Variants in TMEM245 observed in about 807,000 individuals in gnomAD.
TMEM245 encodes the protein protein CG-2.
A neutral mutation model predicts 101.2 loss-of-function variants in TMEM245; 69 were observed. The ratio of observed to expected loss-of-function variants is 0.68; its 90% CI spans 0.56 to 0.83. The LOEUF is 0.83. Ranked by LOEUF, TMEM245 falls within the 40% of genes least tolerant of loss-of-function variation. TMEM245 has a pLI of 0.00. For missense variants in TMEM245, 1,075 were observed against 1,092.8 expected (o/e 0.98, Z 0.23); for synonymous variants, 537 against 449.8 (o/e 1.19, Z -2.45).
intron 17 of TMEM245, among the ~76,000 whole-genome samples, chr9:109,023,085 C>A (rs892809775): frequency 6.6e-6 from 1 of 152,258 alleles, no homozygotes; most frequent in Middle Eastern, 3.4e-3. Context: ...AAGAAAGTCT[C>A]CAAAAGGACT....
chr9:109,107,386 G>C (rs1033246437), intron 2 of TMEM245, among the ~76,000 whole-genome samples: 32 of 145,946 alleles, frequency 2.2e-4, no homozygotes, highest in Admixed American at 6.9e-5. Context: ...GCGATGGAGT[G>C]AGACTCTGTC....
chr9:109,065,347 G>A (rs770322987), intron 9 of TMEM245, among the ~76,000 whole-genome samples: 23 of 151,794 alleles, frequency 1.5e-4, no homozygotes, highest in Non-Finnish European at 2.4e-4. Flanking sequence ...AAAGGAACAC[G>A]ACTAGGGCCC....
At chr9:109,034,972 C>T (rs1828074742) in intron 16 of TMEM245, among the ~76,000 whole-genome samples, 3 of 151,720 alleles carry the variant, frequency 2.0e-5, no homozygotes, top group African/African-American at 4.8e-5. Flanking sequence ...GCCTGATCAA[C>T]ATGGTGAAAT....
Position 109,038,055 on chromosome 9 carries a change from T to C in TMEM245, c.2186A>G (p.His729Arg), listed in dbSNP as rs1355577716. ...GFYGLYTWLT[H>R]TMFGINIVFI... ...GACAATATTGATGCCAAACATAGTA[T>C]GAGTCAGCCAGGTATACAATCCATA... The change falls in exon 15 of 18, where the codon CAT becomes CGT. Residue 729 changes from histidine (H) to arginine (R), a missense_variant. Around this residue, in one of 2 missense-constraint regions of TMEM245, gnomAD observed 267 missense variants for 351.3 expected, o/e 0.76. Coordinates refer to ENST00000374586, the MANE Select transcript of TMEM245 (RefSeq NM_032012.4). 1 of 1,613,286 alleles carries C rather than the reference T, an allele frequency of 6.2e-7. No homozygotes were observed. The highest frequency in any genetic ancestry group is 1.1e-5 in the South Asian group (1 of 90,964).
intron 17 of TMEM245, among the ~76,000 whole-genome samples, chr9:109,024,334 A>G (rs575565521): frequency 3.8e-4 from 58 of 152,208 alleles, no homozygotes; most frequent in Admixed American, 9.8e-4. Context: ...ACTATGTCCC[A>G]TCGTCTTTTA....
rs753805513 is a variant in TMEM245 at position 109,057,173 on chromosome 9, A to G, written c.1854+18T>C. ...TTTTATTTTGAACTTCAGCTTAACTATAAATGCTATTTCTTACCGAAAGAA... is the reference window on the plus strand; with the variant it reads ...TTTTATTTTGAACTTCAGCTTAACTGTAAATGCTATTTCTTACCGAAAGAA... On this transcript the variant is annotated intron_variant, in intron 12 of 17. Transcript: ENST00000374586. 1.2e-6 allele frequency: 2 copies of G among 1,608,498 alleles called. No homozygotes were observed. Among genetic ancestry groups the G allele is most frequent in the Admixed American group, 3.4e-5 (2 of 59,212 alleles).
chr9:109,021,242 G>A (rs1297129202), intron 17 of TMEM245, among the ~76,000 whole-genome samples: 2 of 152,172 alleles, frequency 1.3e-5, no homozygotes, highest in African/African-American at 4.8e-5. Context: ...TTACATCTGT[G>A]CTGGCAGCCA....
At chr9:109,087,479 G>A in intron 5 of TMEM245, 137 bp from the exon 6 acceptor site, 1 of 911,726 alleles carries the variant, frequency 1.1e-6, no homozygotes, top group Non-Finnish European at 1.6e-6. Context: ...TTAAAAAGCA[G>A]GGTGGGACTC....
At chr9:109,093,704 C>A (rs529662627) in intron 3 of TMEM245, 113 bp from the exon 4 acceptor site, 8 of 841,796 alleles carry the variant, frequency 9.5e-6, no homozygotes, top group African/African-American at 6.8e-5. Context: ...TACTACTGAC[C>A]CACTGAATAA....
At chr9:109,101,383 T>A (rs889559279) in intron 3 of TMEM245, among the ~76,000 whole-genome samples, 2 of 152,172 alleles carry the variant, frequency 1.3e-5, no homozygotes, top group Non-Finnish European at 2.9e-5. Flanking sequence ...AAAGCATTCC[T>A]GTACCTACCT....
In TMEM245 at chr9:109,077,873, T is replaced by C. The variant is rs542624666; in HGVS notation, c.1449+2966A>G. ...TTGCTTTTTATATTCAGTCTGACAA[T>C]GTATGCTTTTTGACTGTTTAGTTGC... On this transcript the variant is annotated intron_variant, in intron 8 of 17. Transcript: ENST00000374586. 7.2e-5 allele frequency among the ~76,000 whole-genome samples: 11 copies of C among 152,286 alleles called. No homozygotes were observed. The East Asian group carries it at 2.1e-3, about 29-fold the overall frequency.
At chr9:109,104,525 T>G (rs1830361511) in intron 3 of TMEM245, among the ~76,000 whole-genome samples, 1 of 152,132 alleles carries the variant, frequency 6.6e-6, no homozygotes, top group African/African-American at 2.4e-5. Context: ...CCCAAAAGGC[T>G]TTTTTGTAAA....
intron 3 of TMEM245, among the ~76,000 whole-genome samples, chr9:109,100,269 G>A (rs924334661): frequency 1.3e-5 from 2 of 152,206 alleles, no homozygotes; most frequent in African/African-American, 4.8e-5. Flanking sequence ...AAGAGCCTGG[G>A]GAGGGGAAAG....
chr9:109,110,192 T>G (rs867999151), intron 1 of TMEM245, among the ~76,000 whole-genome samples: 3 of 152,166 alleles, frequency 2.0e-5, no homozygotes, highest in African/African-American at 7.2e-5. Context: ...GAATTTGAGA[T>G]CTGATTGCAG....
chr9:109,088,630 T>C (rs1429606150), intron 5 of TMEM245, among the ~76,000 whole-genome samples: 1 of 151,544 alleles, frequency 6.6e-6, no homozygotes, highest in East Asian at 1.9e-4. Flanking sequence ...CCATCCTGGC[T>C]AACAGTGAAA....
At position 109,119,776 on chromosome 9, in the gene TMEM245, G is replaced by A. The variant is rs1230319378; in HGVS notation, c.138C>T (p.Phe46=). 2 of 1,486,594 alleles carry A rather than the reference G, an allele frequency of 1.3e-6. No homozygotes were observed. The highest frequency in any genetic ancestry group is 1.4e-5 in the African/African-American group (1 of 69,198). 92.1% of individuals were successfully genotyped at this position (1,486,594 alleles called of 1,614,324 possible). ...TPRTAALALR[F]DKPIKQAFYN... is the part of the protein sequence containing the mutation. ...AGAAGGCCTGCTTAATGGGCTTGTC[G>A]AAGCGCAGCGCCAGCGCCGCGGTCC... Residue 46 remains phenylalanine (F), a synonymous_variant, in exon 1 of 18, where the codon TTC becomes TTT. Coordinates refer to ENST00000374586, the MANE Select transcript of TMEM245 (RefSeq NM_032012.4).
At chr9:109,044,964 T>A (rs1407324633) in intron 14 of TMEM245, among the ~76,000 whole-genome samples, 1 of 152,096 alleles carries the variant, frequency 6.6e-6, no homozygotes, top group East Asian at 1.9e-4. Context: ...TTCTCCATGT[T>A]GGCCAGGCTG....
intron 16 of TMEM245, among the ~76,000 whole-genome samples, chr9:109,035,396 TAA>T (rs780154160): frequency 7.2e-5 from 11 of 152,168 alleles, no homozygotes; most frequent in Non-Finnish European, 1.5e-4. Context: ...ATGCAATTTC[TAA>T]AAGAGATGTC....
In TMEM245 at chr9:109,087,241, G is replaced by T; in HGVS notation, c.1252C>A (p.Arg418=). The T allele has an allele frequency of 1.2e-6, 2 of 1,613,682 alleles. No homozygotes were observed. The highest frequency in any genetic ancestry group is 1.7e-6 in the Non-Finnish European group (2 of 1,179,858). Residue 418 remains arginine, a synonymous_variant, in exon 6 of 18, where the codon CGG becomes AGG. Transcript: ENST00000374586. The stretch of plus-strand genomic sequence containing the variant: ...GGCCAAGGCGCGAGAGCTCCCTGCC[G>T]CTCCTTCAGGAAGCTTTCTATAATG... The part of the protein sequence containing the change: ...WGIIESFLKE[R]QGALAPWPIV...
Sources: allele counts gnomAD v4.1 joint callset (sites outside exome capture counted in the v4.1 genomes callset), GRCh38; gene constraint gnomAD v4.1.1; regional missense constraint gnomAD v4.1.1; transcripts MANE v1.5; gene names NCBI Gene and HGNC (gene_info 2026-07-23, HGNC 2026-07-21).